Variants in PCDHA10 observed in about 807,000 individuals in gnomAD.
PCDHA10 encodes the protein protocadherin alpha 10.
PCDHA10 carries 45 observed loss-of-function variants against 61.2 expected under a neutral mutation model. The ratio of observed to expected loss-of-function variants is 0.74; its 90% confidence interval spans 0.58 to 0.94. The LOEUF (loss-of-function observed/expected upper bound fraction) is 0.94. Ranked by LOEUF, PCDHA10 falls within the 40% of genes least tolerant of loss-of-function variation. The pLI is 0.00. For missense variants in PCDHA10, 1,278 were observed against 1,236.2 expected (o/e 1.03, Z -0.51); for synonymous variants, 602 against 548.8 (o/e 1.10, Z -1.35).
intron 1 of PCDHA10, chr5:140,969,509 C>A: frequency 7.1e-7 from 1 of 1,416,136 alleles, no homozygotes; most frequent in Non-Finnish European, 9.4e-7. Context: ...AAAAATAGCA[C>A]TAAAGAATTG....
intron 3 of PCDHA10, among the ~76,000 whole-genome samples, chr5:140,984,112 A>G (rs2097087288): frequency 6.6e-6 from 1 of 152,244 alleles, no homozygotes; most frequent in Admixed American, 6.5e-5. Flanking sequence ...GTGGTTTTAG[A>G]CTGCCAAGTG....
chr5:140,880,836 A>G (rs1228476405), intron 1 of PCDHA10, among the ~76,000 whole-genome samples: 1 of 152,218 alleles, frequency 6.6e-6, no homozygotes, highest in Non-Finnish European at 1.5e-5. Context: ...GCATATTTTA[A>G]ATGGTTGACT....
chr5:140,938,828 G>A (rs570802606), intron 1 of PCDHA10, among the ~76,000 whole-genome samples: 84 of 152,072 alleles, frequency 5.5e-4, no homozygotes, highest in Admixed American at 1.4e-3. Context: ...ATGAGTTTGC[G>A]TTATAACAAA....
At chr5:140,993,434 AT>A (rs1243337816) in intron 3 of PCDHA10, among the ~76,000 whole-genome samples, 2 of 150,146 alleles carry the variant, frequency 1.3e-5, no homozygotes, top group Non-Finnish European at 3.0e-5. Flanking sequence ...TAAAATCCTT[AT>A]TCATTCCTGT....
intron 1 of PCDHA10, among the ~76,000 whole-genome samples, chr5:140,917,535 T>C (rs2078248743): frequency 3.3e-5 from 5 of 152,278 alleles, no homozygotes; most frequent in South Asian, 4.1e-4. Flanking sequence ...TTGTATAGTT[T>C]TAGGTTTTAC....
intron 1 of PCDHA10, chr5:140,968,827 C>T (rs1398985109): frequency 1.2e-6 from 2 of 1,614,094 alleles, no homozygotes; most frequent in Non-Finnish European, 1.7e-6. Context: ...TTTCCAAAAT[C>T]CTCCCTGACA....
intron 1 of PCDHA10, among the ~76,000 whole-genome samples, chr5:140,886,246 A>G (rs1337527671): frequency 1.3e-5 from 2 of 152,144 alleles, no homozygotes; most frequent in Admixed American, 1.3e-4. Flanking sequence ...AAATAAATAA[A>G]AGTATCTCTA....
At chr5:140,981,537 G>C (rs375537131) in intron 2 of PCDHA10, among the ~76,000 whole-genome samples, 2 of 152,290 alleles carry the variant, frequency 1.3e-5, no homozygotes, top group East Asian at 3.9e-4. Context: ...TCGTGCCACT[G>C]TACTCCAGCC....
chr5:140,934,684 A>C (rs1026507859), intron 1 of PCDHA10, among the ~76,000 whole-genome samples: 9 of 152,178 alleles, frequency 5.9e-5, no homozygotes, highest in Non-Finnish European at 1.3e-4. Flanking sequence ...TATTCAAAAC[A>C]ATGAATTGAT....
chr5:140,918,496 A>G lies in PCDHA10; in HGVS notation c.2388+60060A>G, dbSNP rs79827125. Among the ~76,000 whole-genome samples the G allele has an allele frequency of 8.0e-3, 1,215 of 152,276 alleles. 6 individuals are homozygous for G. Among genetic ancestry groups the G allele is most frequent in the African/African-American group, 0.019 (784 of 41,558 alleles). On this transcript the variant is annotated intron_variant, in intron 1 of 3. Transcript: ENST00000307360. ...TCTCAAGGGGAATGCTTTGGATGGT[A>G]CCAATCCTTTTAAACTTATTGAGGA...
At chr5:140,948,773 G>A (rs991446033) in intron 1 of PCDHA10, among the ~76,000 whole-genome samples, 12 of 151,352 alleles carry the variant, frequency 7.9e-5, no homozygotes, top group Non-Finnish European at 1.6e-4. Context: ...CGAATAGCCA[G>A]CTTTTGGCTT....
intron 1 of PCDHA10, among the ~76,000 whole-genome samples, chr5:140,886,331 G>A (rs910332577): frequency 6.6e-6 from 1 of 151,936 alleles, no homozygotes; most frequent in Admixed American, 6.6e-5. Flanking sequence ...TGGGATACAT[G>A]TGCAGAACGT....
intron 1 of PCDHA10, among the ~76,000 whole-genome samples, chr5:140,950,831 TTAAGAC>T (rs1337916001): frequency 6.6e-6 from 1 of 152,128 alleles, no homozygotes; most frequent in Non-Finnish European, 1.5e-5. Flanking sequence ...GTTTGGTCCT[TTAAGAC>T]TATACATTTC....
intron 1 of PCDHA10, among the ~76,000 whole-genome samples, chr5:140,911,275 G>C (rs1048648150): frequency 2.0e-5 from 3 of 152,164 alleles, no homozygotes; most frequent in African/African-American, 7.2e-5. Context: ...AGTGTCCCCA[G>C]CTTCATCAGG....
rs903321831 is a variant in PCDHA10, at chr5:140,926,671, C to A, written c.2389-52278C>A. ...CGGCTCCGCTTTCCCAGACGGCTGC[C>A]CAGCCTCCAGCCTAGCAAGCCCGGC... On this transcript the variant is annotated intron_variant, in intron 1 of 3. Coordinates refer to ENST00000307360, the MANE Select transcript of PCDHA10 (RefSeq NM_018901.4). The A allele has an allele frequency of 3.5e-5, 20 of 579,422 alleles. No homozygotes were observed. The South Asian group carries it at 7.5e-4, about 22-fold the overall frequency. 35.9% of individuals were successfully genotyped at this position (579,422 alleles called of 1,614,324 possible).
chr5:140,905,048 C>A (rs2153487978), intron 1 of PCDHA10, among the ~76,000 whole-genome samples: 1 of 152,186 alleles, frequency 6.6e-6, no homozygotes, highest in African/African-American at 2.4e-5. Flanking sequence ...TAATTAGGTC[C>A]CATTTATTTA....
chr5:140,944,838 A>C (rs996510272), intron 1 of PCDHA10, among the ~76,000 whole-genome samples: 13 of 152,212 alleles, frequency 8.5e-5, no homozygotes, highest in Non-Finnish European at 1.6e-4. Flanking sequence ...TTGTAAAATG[A>C]GATATTAGAA....
intron 3 of PCDHA10, among the ~76,000 whole-genome samples, chr5:140,999,095 G>C (rs1554256620): frequency 6.6e-6 from 1 of 152,202 alleles, no homozygotes; most frequent in African/African-American, 2.4e-5. Flanking sequence ...GAGGGCTATG[G>C]AGAGTAACCT....
intron 1 of PCDHA10, among the ~76,000 whole-genome samples, chr5:140,889,202 T>G (rs1329949873): frequency 6.6e-6 from 1 of 151,910 alleles, no homozygotes; most frequent in Non-Finnish European, 1.5e-5. Context: ...ACTTGAATAC[T>G]TAACAAAGAA....
Sources: gnomAD v4.1 joint callset for allele counts (sites outside exome capture counted in the v4.1 genomes callset) on GRCh38, gnomAD v4.1.1 for gene constraint, MANE v1.5 for transcripts, NCBI Gene and HGNC (gene_info 2026-07-23, HGNC 2026-07-21) for gene names.